RPAP2: variants seen among roughly 807,000 people sequenced by gnomAD.
RPAP2 encodes putative RNA polymerase II subunit B1 CTD phosphatase RPAP2.
RPAP2 carries 52 observed loss-of-function variants against 73.1 expected under a neutral mutation model. That is an observed-to-expected ratio of 0.71 (90% confidence interval 0.57 to 0.90). The LOEUF is 0.90. Ranked by LOEUF, RPAP2 falls within the 40% of genes least tolerant of loss-of-function variation. RPAP2 has a pLI of 0.00. For synonymous variants in RPAP2, 225 were observed against 242.1 expected (o/e 0.93, Z 0.65); for missense variants, 598 against 701.8 (o/e 0.85, Z 1.67).
intron 7 of RPAP2, among the ~76,000 whole-genome samples, chr1:92,322,992 AAT>A (rs1323301112): frequency 6.8e-6 from 1 of 146,474 alleles, no homozygotes; most frequent in South Asian, 2.1e-4. Context: ...TATATATGTA[AAT>A]ATGTGTACAT....
At chr1:92,351,527 A>G (rs933977861) in intron 11 of RPAP2, among the ~76,000 whole-genome samples, 1 of 152,138 alleles carries the variant, frequency 6.6e-6, no homozygotes, top group African/African-American at 2.4e-5. Flanking sequence ...AAGATTTTCT[A>G]GCCATAGGAC....
At chr1:92,328,963 A>G (rs1472306769) in intron 8 of RPAP2, among the ~76,000 whole-genome samples, 1 of 152,190 alleles carries the variant, frequency 6.6e-6, no homozygotes, top group African/African-American at 2.4e-5. Context: ...GGCGGGTACT[A>G]GGGAGTGTCT....
At chr1:92,382,589 T>C (rs1655691269) in intron 12 of RPAP2, among the ~76,000 whole-genome samples, 2 of 152,156 alleles carry the variant, frequency 1.3e-5, no homozygotes, top group South Asian at 4.2e-4. Context: ...TGTCTGTTCA[T>C]ATCCTTCACC....
intron 11 of RPAP2, among the ~76,000 whole-genome samples, chr1:92,359,464 C>A (rs1654634262): frequency 6.6e-6 from 1 of 152,194 alleles, no homozygotes; most frequent in Non-Finnish European, 1.5e-5. Context: ...GGATTACAGG[C>A]ATGCGCCACC....
chr1:92,326,415 G>A (rs1652630987), intron 8 of RPAP2, among the ~76,000 whole-genome samples: 1 of 152,122 alleles, frequency 6.6e-6, no homozygotes, highest in African/African-American at 2.4e-5. Context: ...GTTGTTTAAT[G>A]TACTATTTTT....
intron 6 of RPAP2, among the ~76,000 whole-genome samples, chr1:92,311,502 A>G (rs897444744): frequency 7.2e-5 from 11 of 152,258 alleles, no homozygotes; most frequent in African/African-American, 2.7e-4. Context: ...GATAAAATGT[A>G]GATCAAAGCT....
chr1:92,332,829 C>T (rs899696454), intron 8 of RPAP2, among the ~76,000 whole-genome samples: 4 of 152,094 alleles, frequency 2.6e-5, no homozygotes, highest in African/African-American at 9.7e-5. Flanking sequence ...AATTAGTGCT[C>T]TATCTGTAAT....
At chr1:92,326,053 A>T (rs1652605339) in intron 8 of RPAP2, among the ~76,000 whole-genome samples, 1 of 151,718 alleles carries the variant, frequency 6.6e-6, no homozygotes, top group Non-Finnish European at 1.5e-5. Context: ...TAGGACTGGG[A>T]ATGGTGGGTT....
At chr1:92,341,536 C>G (rs1048172280) in intron 10 of RPAP2, among the ~76,000 whole-genome samples, 1 of 152,118 alleles carries the variant, frequency 6.6e-6, no homozygotes, top group Non-Finnish European at 1.5e-5. Flanking sequence ...CTCTCCAGTG[C>G]GTGGAACAGT....
chr1:92,342,254 C>A (rs1653634711), intron 10 of RPAP2, among the ~76,000 whole-genome samples: 1 of 152,186 alleles, frequency 6.6e-6, no homozygotes, highest in Non-Finnish European at 1.5e-5. Context: ...GGTAAGGGAG[C>A]AAGCTGTGTT....
chr1:92,380,319 C>A (rs1655576027), intron 11 of RPAP2, among the ~76,000 whole-genome samples: 2 of 151,718 alleles, frequency 1.3e-5, no homozygotes, highest in Admixed American at 6.6e-5. Flanking sequence ...AAAAGGTAAT[C>A]TTGTTTGTTT....
At chr1:92,366,224 G>A (rs1017984352) in intron 11 of RPAP2, among the ~76,000 whole-genome samples, 26 of 152,166 alleles carry the variant, frequency 1.7e-4, no homozygotes, top group Non-Finnish European at 1.5e-5. Context: ...GATTGCTTGA[G>A]CCCAGGAGTT....
At chr1:92,315,546 A>G (rs982553230) in intron 6 of RPAP2, among the ~76,000 whole-genome samples, 28 of 152,230 alleles carry the variant, frequency 1.8e-4, no homozygotes, top group African/African-American at 6.8e-4. Context: ...GCACAGTTAA[A>G]CAAGGTATGC....
chr1:92,320,596 C>T lies in RPAP2; in HGVS notation c.489-3C>T. 6.2e-7 allele frequency: 1 copy of T among 1,610,662 alleles called. No homozygotes were observed. The highest frequency in any genetic ancestry group is 8.5e-7 in the Non-Finnish European group (1 of 1,177,364). ...AATTTTTATTTCTGTGTTCTTATTA[C>T]AGGCATCCTGATTTTCAACTGCTAA... On this transcript the variant is annotated splice_region_variant and splice_polypyrimidine_tract_variant and intron_variant, in intron 6 of 12. Coordinates refer to ENST00000610020, the MANE Select transcript of RPAP2 (RefSeq NM_024813.3).
chr1:92,325,177 GA>G (rs1652555946), intron 8 of RPAP2, among the ~76,000 whole-genome samples: 1 of 152,006 alleles, frequency 6.6e-6, no homozygotes, highest in Non-Finnish European at 1.5e-5. Flanking sequence ...ATACTCCCTG[GA>G]AAATGAAGTC....
At chr1:92,351,305 CAAAAAAAA>C (rs60111119) in intron 11 of RPAP2, among the ~76,000 whole-genome samples, 1 of 86,838 alleles carries the variant, frequency 1.2e-5, no homozygotes, top group Non-Finnish European at 2.2e-5. Context: ...GACTCTGTCT[CAAAAAAAA>C]AAAAAAAAAA....
At chr1:92,381,439 C>T (rs1655623831) in intron 12 of RPAP2, among the ~76,000 whole-genome samples, 1 of 152,152 alleles carries the variant, frequency 6.6e-6, no homozygotes, top group South Asian at 2.1e-4. Context: ...TATTCCCTTC[C>T]TTGTCCTGCC....
chr1:92,373,740 A>T (rs1370939565), intron 11 of RPAP2, among the ~76,000 whole-genome samples: 2 of 43,000 alleles, frequency 4.7e-5, no homozygotes, highest in African/African-American at 1.3e-4. Flanking sequence ...TACTAAAAAT[A>T]AAAAAAAAAA....
Position 92,389,300 on chromosome 1 carries a change from A to T in RPAP2, c.*2289A>T, listed in dbSNP as rs1655970570. 1 of 152,772 alleles carries T rather than the reference A, an allele frequency of 6.5e-6. No homozygotes were observed. Among genetic ancestry groups the T allele is most frequent in the South Asian group, 2.1e-4 (1 of 4,840 alleles). The allele number at this position is 152,772 out of a possible 1,614,324, so 9.5% of individuals were successfully genotyped here. A position where few individuals can be genotyped will look rare whatever the true frequency, so the allele number is the denominator to read the frequency against. On this transcript the variant is annotated 3_prime_UTR_variant, in exon 13 of 13. Transcript: ENST00000610020. Reference sequence around the variant, plus strand: ...GCAAACTCCAACAGACCTGCAGCTAAGGGGCCTGTCTATTAGAAGGAAAAC... The same window carrying T: ...GCAAACTCCAACAGACCTGCAGCTATGGGGCCTGTCTATTAGAAGGAAAAC...
Sources: gnomAD v4.1 joint callset for allele counts (sites outside exome capture counted in the v4.1 genomes callset) on GRCh38, gnomAD v4.1.1 for gene constraint, MANE v1.5 for transcripts, NCBI Gene and HGNC (gene_info 2026-07-23, HGNC 2026-07-21) for gene names.